The following SPPL2A variants were observed in gnomAD, a reference collection of about 807,000 sequenced individuals.
SPPL2A encodes signal peptide peptidase-like 2A.
Under a neutral mutation model 63.8 loss-of-function variants are expected in SPPL2A, and 51 were observed. The observed-to-expected ratio is 0.80, with a 90% CI of 0.64 to 1.01. The LOEUF is 1.01. Ranked by LOEUF, SPPL2A falls within the 50% of genes least tolerant of loss-of-function variation. The pLI is 0.00. For synonymous variants in SPPL2A, 188 were observed against 205.8 expected, an observed-to-expected ratio of 0.91 and a Z score of 0.74; for missense variants, 553 against 622.7, an observed-to-expected ratio of 0.89 and a Z score of 1.19.
intron 5 of SPPL2A, among the ~76,000 whole-genome samples, chr15:50,744,335 AT>A (rs1218964400): frequency 6.6e-6 from 1 of 152,206 alleles, no homozygotes; most frequent in Non-Finnish European, 1.5e-5. Context: ...AACTCTTAAC[AT>A]TTCCCTCTTG....
intron 1 of SPPL2A, among the ~76,000 whole-genome samples, chr15:50,755,571 T>G (rs2062950399): frequency 7.9e-6 from 1 of 127,364 alleles, no homozygotes; most frequent in South Asian, 2.3e-4. Context: ...CAGGGAGCCA[T>G]GACCATGCCA....
At chr15:50,765,376 AGGCCG>A (rs2063050180) in intron 1 of SPPL2A, 87 bp downstream of exon 1, 2 of 961,240 alleles carry the variant, frequency 2.1e-6, no homozygotes, top group Middle Eastern at 3.3e-4. Context: ...GGCAGAGGGG[AGGCCG>A]GGCGAGGAGT....
intron 12 of SPPL2A, among the ~76,000 whole-genome samples, chr15:50,724,209 A>T (rs2062668640): frequency 6.6e-6 from 1 of 152,178 alleles, no homozygotes; most frequent in Non-Finnish European, 1.5e-5. Context: ...CTATGTAAAT[A>T]GAAGGGCTTT....
At chr15:50,746,088 A>C (rs28519532) in intron 5 of SPPL2A, among the ~76,000 whole-genome samples, 2 of 151,758 alleles carry the variant, frequency 1.3e-5, no homozygotes, top group Non-Finnish European at 2.9e-5. Context: ...TTAATGTGAG[A>C]AATCCTAAAA....
intron 1 of SPPL2A, among the ~76,000 whole-genome samples, chr15:50,751,970 A>G (rs931007259): frequency 1.3e-5 from 2 of 152,098 alleles, no homozygotes; most frequent in Non-Finnish European, 2.9e-5. Flanking sequence ...AGCTGGGATT[A>G]TAGGTGCCTG....
Position 50,704,361 on chromosome 15 carries a change from A to AAAAC in SPPL2A, c.*3438_*3439insGTTT, listed in dbSNP as rs1423685785. ...CTGTCTCAAAAAAAAAAAAAAAAAAAAATCTACAAGCTAGAAGAAAATATA... is the reference window on the plus strand; with the variant it reads ...CTGTCTCAAAAAAAAAAAAAAAAAAAAAACAATCTACAAGCTAGAAGAAAATATA... On this transcript the variant is annotated 3_prime_UTR_variant, in exon 15 of 15. Coordinates refer to ENST00000261854, the MANE Select transcript of SPPL2A (RefSeq NM_032802.4). 2.6e-5 allele frequency: 4 copies of AAAAC among 151,870 alleles called. No homozygotes were observed. The highest frequency in any genetic ancestry group is 9.6e-5 in the African/African-American group (4 of 41,468). 9.4% of individuals were successfully genotyped at this position (151,870 alleles called of 1,614,324 possible).
chr15:50,761,269 T>A (rs987838920), intron 1 of SPPL2A, among the ~76,000 whole-genome samples: 9 of 152,096 alleles, frequency 5.9e-5, no homozygotes, highest in Admixed American at 3.3e-4. Context: ...ACAGAACTTT[T>A]AAAGACACTA....
At position 50,707,383 on chromosome 15, in the gene SPPL2A, T is replaced by C. The variant is rs549656463; in HGVS notation, c.*417A>G. 48 of 153,820 alleles carry C rather than the reference T, an allele frequency of 3.1e-4. No homozygotes were observed. The highest frequency in any genetic ancestry group is 1.8e-3 in the Admixed American group (28 of 15,358). The allele number at this position is 153,820 out of a possible 1,614,324, so 9.5% of individuals were successfully genotyped here. ...CCGCCCGCCTTGGCCTCCCAAAGTG[T>C]TGGGATTACAGGCGTGAGCCACCGC... On this transcript the variant is annotated 3_prime_UTR_variant, in exon 15 of 15. Transcript: ENST00000261854.
chr15:50,763,728 T>C (rs897326282), intron 1 of SPPL2A, among the ~76,000 whole-genome samples: 7 of 151,992 alleles, frequency 4.6e-5, no homozygotes, highest in African/African-American at 1.5e-4. Context: ...GAAACCCCCA[T>C]CTCTACTAAA....
rs1567144343 is a variant in SPPL2A, at chr15:50,703,994, C to A, written c.*3806G>T. On this transcript the variant is annotated 3_prime_UTR_variant, in exon 15 of 15. Coordinates refer to ENST00000261854, the MANE Select transcript of SPPL2A (RefSeq NM_032802.4). ...TGCCAATAGCAGATGGGTTAAAATT[C>A]TCTTTAAAAGAGAAATAAATTGCAG... is the stretch of plus-strand genomic sequence containing the variant. 6.6e-6 allele frequency: 1 copy of A among 151,968 alleles called. No homozygotes were observed. Among genetic ancestry groups the A allele is most frequent in the South Asian group, 2.1e-4 (1 of 4,824 alleles). 9.4% of individuals were successfully genotyped at this position (151,968 alleles called of 1,614,324 possible). A position where few individuals can be genotyped will look rare whatever the true frequency, so the allele number is the denominator to read the frequency against.
intron 11 of SPPL2A, chr15:50,726,076 C>T (rs772596373): frequency 2.0e-6 from 3 of 1,476,234 alleles, no homozygotes; most frequent in East Asian, 2.8e-5. Context: ...TCCTTACTTT[C>T]TCATGGGGAG....
chr15:50,727,792 TACTAA>T (rs2062697644), intron 10 of SPPL2A, among the ~76,000 whole-genome samples: 1 of 152,188 alleles, frequency 6.6e-6, no homozygotes, highest in Non-Finnish European at 1.5e-5. Context: ...TTGAGTTACC[TACTAA>T]ACTAAGGCCT....
chr15:50,715,226 G>A (rs2062591852), intron 14 of SPPL2A, among the ~76,000 whole-genome samples: 2 of 152,068 alleles, frequency 1.3e-5, no homozygotes, highest in South Asian at 2.1e-4. Flanking sequence ...TCGAACTCCT[G>A]ATCTCAAGTG....
At chr15:50,762,874 A>T (rs142606517) in intron 1 of SPPL2A, among the ~76,000 whole-genome samples, 2,576 of 150,806 alleles carry the variant, frequency 0.017, 29 homozygotes, top group African/African-American at 0.031. Context: ...CTGGGATAAC[A>T]GGCACGCACC....
intron 1 of SPPL2A, among the ~76,000 whole-genome samples, chr15:50,752,652 A>C (rs1202509933): frequency 6.7e-6 from 1 of 149,698 alleles, no homozygotes; most frequent in African/African-American, 2.5e-5. Context: ...TGGGTAGTGG[A>C]GGTTGCAGTG....
chr15:50,724,225 A>T (rs2062668699), intron 12 of SPPL2A, among the ~76,000 whole-genome samples: 1 of 152,122 alleles, frequency 6.6e-6, no homozygotes, highest in South Asian at 2.1e-4. Context: ...GCTTTTTCAG[A>T]AGCACCAGTA....
chr15:50,735,534 C>CAT (rs921131850), intron 8 of SPPL2A, among the ~76,000 whole-genome samples: 1 of 124,700 alleles, frequency 8.0e-6, no homozygotes, highest in Admixed American at 8.8e-5. Flanking sequence ...CACACACACA[C>CAT]ATATATACAT....
At chr15:50,730,472 CA>C (rs1432907134) in intron 10 of SPPL2A, among the ~76,000 whole-genome samples, 1 of 151,932 alleles carries the variant, frequency 6.6e-6, no homozygotes, top group Non-Finnish European at 1.5e-5. Flanking sequence ...TAGTTGGAAC[CA>C]AAAGAATTCC....
intron 1 of SPPL2A, among the ~76,000 whole-genome samples, chr15:50,752,324 T>A (rs1286095991): frequency 6.6e-6 from 1 of 151,862 alleles, no homozygotes; most frequent in Non-Finnish European, 1.5e-5. Flanking sequence ...ACTCATGCCT[T>A]TAATCCCAGC....
Sources: allele counts gnomAD v4.1 joint callset (sites outside exome capture counted in the v4.1 genomes callset), GRCh38; gene constraint gnomAD v4.1.1; transcripts MANE v1.5; gene names NCBI Gene and HGNC (gene_info 2026-07-23, HGNC 2026-07-21).